Variants in PAMR1 observed in about 807,000 individuals in gnomAD.
PAMR1 encodes peptidase domain containing associated with muscle regeneration 1, also known as inactive serine protease PAMR1.
In PAMR1, 88 loss-of-function variants were observed where a neutral mutation model predicts 81.8. The observed-to-expected ratio is 1.08, with a 90% confidence interval of 0.91 to 1.28. The LOEUF is 1.28. Ranked by LOEUF, PAMR1 falls within the 50% of genes most tolerant of loss-of-function variation. The probability of loss-of-function intolerance (pLI) is 0.00; values close to 1 mark genes in which losing one functional copy is unlikely to be tolerated. For missense variants in PAMR1, 935 were observed against 919.7 expected (o/e 1.02, Z -0.21); for synonymous variants, 336 against 345.3 (o/e 0.97, Z 0.30).
chr11:35,432,432 G>C lies in PAMR1; in HGVS notation c.2087C>G (p.Thr696Arg). The change falls in exon 11 of 11, where the codon ACA (threonine) becomes AGA (arginine). Residue 696 changes from threonine to arginine, a missense_variant. Thr to Arg is a moderately conservative substitution (Grantham distance 71, BLOSUM62 -1). Transcript: ENST00000619888. ...MGLVSWSYDK[T>R]CSHRLSTAFT... is the part of the protein sequence containing the mutation. ...GGCAGTGGAGAGCCTGTGGCTGCAT[G>C]TTTTATCATAGCTCCAGCTGACCAG... 1 of 1,614,180 alleles carries C rather than the reference G, an allele frequency of 6.2e-7. No individual in the cohort carries two copies. Among genetic ancestry groups the C allele is most frequent in the Non-Finnish European group, 8.5e-7 (1 of 1,180,038 alleles).
chr11:35,502,935 C>T (rs1178452777), intron 1 of PAMR1, among the ~76,000 whole-genome samples: 1 of 152,152 alleles, frequency 6.6e-6, no homozygotes, highest in Non-Finnish European at 1.5e-5. Context: ...TGTCCTGGAG[C>T]ATTTCCCCAA....
chr11:35,435,537 C>A (rs181379866), intron 9 of PAMR1, among the ~76,000 whole-genome samples: 64 of 152,160 alleles, frequency 4.2e-4, no homozygotes, highest in African/African-American at 1.4e-3. Flanking sequence ...TAACAAGTAC[C>A]TAATTAGTAT....
intron 5 of PAMR1, among the ~76,000 whole-genome samples, chr11:35,469,733 T>C (rs978506278): frequency 1.3e-5 from 2 of 152,234 alleles, no homozygotes; most frequent in Non-Finnish European, 2.9e-5. Context: ...CCTGAGACTT[T>C]CATGTCATAC....
chr11:35,461,655 G>A (rs1223014571), intron 6 of PAMR1, among the ~76,000 whole-genome samples: 3 of 151,522 alleles, frequency 2.0e-5, no homozygotes, highest in Admixed American at 2.0e-4. Flanking sequence ...ACACACCTTG[G>A]TAACTATAAA....
chr11:35,516,265 C>G (rs568671092), intron 1 of PAMR1, among the ~76,000 whole-genome samples: 1 of 152,292 alleles, frequency 6.6e-6, no homozygotes, highest in South Asian at 2.1e-4. Flanking sequence ...AACCACAATA[C>G]TTTATACCCC....
intron 6 of PAMR1, among the ~76,000 whole-genome samples, chr11:35,459,020 C>T (rs552210729): frequency 6.6e-6 from 1 of 152,308 alleles, no homozygotes; most frequent in South Asian, 2.1e-4. Flanking sequence ...GGAATTCTTC[C>T]CCCCTGATGT....
chr11:35,513,669 G>A (rs1053131954), intron 1 of PAMR1, among the ~76,000 whole-genome samples: 6 of 152,204 alleles, frequency 3.9e-5, no homozygotes, highest in African/African-American at 1.2e-4. Context: ...TATACAGTAA[G>A]TGGCAGAGCT....
chr11:35,492,128 C>T lies in PAMR1; in HGVS notation c.296G>A (p.Trp99Ter), dbSNP rs780246012. ...ENCKSCRNGS[W>*]GGTLDDFYVK... ...ATAGAAGTCATCCAAGGTACCCCCCCATGAGCCATTTCGGCAGCTCTTGCA... is the reference window on the plus strand; with the variant it reads ...ATAGAAGTCATCCAAGGTACCCCCCTATGAGCCATTTCGGCAGCTCTTGCA... The change falls in exon 3 of 11, where the codon TGG becomes TAG. Residue 99 changes from tryptophan (W) to a stop codon, truncating the protein, a stop_gained. Coordinates refer to ENST00000619888, the MANE Select transcript of PAMR1 (RefSeq NM_001001991.3). LOFTEE classifies it high-confidence loss of function. 3.1e-6 allele frequency: 5 copies of T among 1,614,130 alleles called. No individual in the cohort carries two copies. In the South Asian group the frequency reaches 5.5e-5, roughly 18 times the overall value.
chr11:35,516,225 G>A (rs75010181), intron 1 of PAMR1, among the ~76,000 whole-genome samples: 36 of 152,294 alleles, frequency 2.4e-4, no homozygotes, highest in African/African-American at 7.7e-4. Flanking sequence ...AAACGACAGA[G>A]CGAGGATTCA....
upstream of PAMR1, chr11:35,530,154 T>C (rs1261203183): frequency 1.3e-5 from 2 of 152,234 alleles, no homozygotes; most frequent in African/African-American, 4.8e-5. Context: ...GTAATTAAGT[T>C]TGGTTTCCAT....
intron 1 of PAMR1, among the ~76,000 whole-genome samples, chr11:35,524,640 G>A (rs1851351277): frequency 6.6e-6 from 1 of 152,108 alleles, no homozygotes; most frequent in African/African-American, 2.4e-5. Flanking sequence ...GTACATCTCG[G>A]CCTGCCCTCA....
rs1488452924 is a variant in PAMR1 at position 35,441,653 on chromosome 11, G to C, written c.861C>G (p.Val287=). ...CCCCTGTTATTTTCTGGTACCCATT[G>C]ACTGGGCCCCCAGGGTCTGAGCAGT... ...ERNCSDPGGP[V]NGYQKITGGP... is the part of the protein sequence containing the mutation. Residue 287 remains valine, a synonymous_variant, in exon 7 of 11, where the codon GTC becomes GTG. Transcript: ENST00000619888. The C allele has an allele frequency of 2.5e-6, 4 of 1,613,700 alleles. No individual in the cohort carries two copies. In the African/African-American group the frequency reaches 5.3e-5, roughly 22 times the overall value.
At chr11:35,449,244 G>A (rs1055462798) in intron 6 of PAMR1, among the ~76,000 whole-genome samples, 5 of 151,132 alleles carry the variant, frequency 3.3e-5, no homozygotes, top group African/African-American at 4.8e-5. Context: ...GAAAGACTAA[G>A]TGTGTTGAAC....
chr11:35,475,392 C>T (rs938654), intron 3 of PAMR1, among the ~76,000 whole-genome samples: 7 of 151,906 alleles, frequency 4.6e-5, no homozygotes, highest in African/African-American at 1.7e-4. Flanking sequence ...CAATAAAACT[C>T]AATGTATAAA....
chr11:35,487,670 T>A lies in PAMR1; in HGVS notation c.379+4375A>T, dbSNP rs540062331. Among the ~76,000 whole-genome samples, 9 of 152,320 alleles carry A rather than the reference T, an allele frequency of 5.9e-5. No homozygotes were observed. In the East Asian group the frequency reaches 1.5e-3, roughly 26 times the overall value. On this transcript the variant is annotated intron_variant, in intron 3 of 10. Coordinates refer to ENST00000619888, the MANE Select transcript of PAMR1 (RefSeq NM_001001991.3). ...TGGTACTTTCAAGCCCCAACCTCAC[T>A]TCTACTCATTCTCAGCAGATATTTC...
chr11:35,462,626 C>T (rs772589647), intron 6 of PAMR1, among the ~76,000 whole-genome samples: 2 of 152,062 alleles, frequency 1.3e-5, no homozygotes, highest in South Asian at 2.1e-4. Flanking sequence ...TTTAAATGGC[C>T]GTAATGTGGA....
Position 35,447,404 on chromosome 11 carries a change from C to T in PAMR1, c.821-5711G>A, listed in dbSNP as rs546191696. Among the ~76,000 whole-genome samples, 3 of 152,146 alleles carry T rather than the reference C, an allele frequency of 2.0e-5. No individual in the cohort carries two copies. In the South Asian group the frequency reaches 6.2e-4, roughly 32 times the overall value. Reference sequence around the variant, plus strand: ...ATTTTTTAGTGGAGACAGGGTTTCGCCATGTTAGCCAGGATGGCTCGATCT... The same window carrying T: ...ATTTTTTAGTGGAGACAGGGTTTCGTCATGTTAGCCAGGATGGCTCGATCT... On this transcript the variant is annotated intron_variant, in intron 6 of 10. Coordinates refer to ENST00000619888, the MANE Select transcript of PAMR1 (RefSeq NM_001001991.3).
intron 3 of PAMR1, among the ~76,000 whole-genome samples, chr11:35,483,305 G>A (rs4756234): frequency 0.3 from 45,400 of 151,996 alleles, 8,057 homozygotes; most frequent in Non-Finnish European, 0.4. Context: ...CTACAAGACT[G>A]GGAAGCTGTG....
intron 3 of PAMR1, among the ~76,000 whole-genome samples, chr11:35,476,891 C>A (rs770630063): frequency 6.6e-6 from 1 of 151,992 alleles, no homozygotes; most frequent in Admixed American, 6.6e-5. Flanking sequence ...ACTTTCTGTG[C>A]CCAACTCCGG....
Sources: gnomAD v4.1 joint callset for allele counts (sites outside exome capture counted in the v4.1 genomes callset) on GRCh38, gnomAD v4.1.1 for gene constraint, MANE v1.5 for transcripts, NCBI Gene and HGNC (gene_info 2026-07-23, HGNC 2026-07-21) for gene names.